Variants in PTPRE observed in about 807,000 individuals in gnomAD.
PTPRE encodes receptor-type tyrosine-protein phosphatase epsilon.
In PTPRE, 51 loss-of-function variants were observed where a neutral mutation model predicts 102.0. The ratio of observed to expected loss-of-function variants is 0.50; its 90% confidence interval spans 0.40 to 0.63. PTPRE has a LOEUF of 0.63. Ranked by LOEUF, PTPRE falls within the 30% of genes least tolerant of loss-of-function variation. The pLI, the probability that PTPRE is intolerant of heterozygous loss-of-function variation, is 0.00. For missense variants in PTPRE, 752 were observed against 915.1 expected (o/e 0.82, Z 2.30); for synonymous variants, 345 against 348.2 (o/e 0.99, Z 0.10).
In PTPRE at chr10:127,931,157, G is replaced by C. The variant is rs115145940; in HGVS notation, c.-31+23848G>C. ...AGGTGAGTAGTAGTATTTCATGTCA[G>C]TTTTAATTTGCATTTCCCTAGTGAC... is the stretch of plus-strand genomic sequence containing the variant. On this transcript the variant is annotated intron_variant, in intron 1 of 20. Coordinates refer to ENST00000254667, the MANE Select transcript of PTPRE (RefSeq NM_006504.6). Among the ~76,000 whole-genome samples the C allele has an allele frequency of 3.3e-3, 503 of 151,954 alleles. 1 individual carries two copies. The highest frequency in any genetic ancestry group is 0.012 in the African/African-American group (476 of 41,292).
At chr10:127,912,063 T>G (rs941178194) in intron 1 of PTPRE, among the ~76,000 whole-genome samples, 1 of 152,198 alleles carries the variant, frequency 6.6e-6, no homozygotes, top group Non-Finnish European at 1.5e-5. Flanking sequence ...TTGGGGATTA[T>G]GAAGGCAGCC....
intron 2 of PTPRE, among the ~76,000 whole-genome samples, chr10:128,005,156 T>C (rs1318899271): frequency 6.6e-6 from 1 of 152,260 alleles, no homozygotes; most frequent in Non-Finnish European, 1.5e-5. Flanking sequence ...ACATAAATCA[T>C]TTGAAAATAC....
chr10:128,030,801 C>G (rs1049609835), intron 2 of PTPRE, among the ~76,000 whole-genome samples: 2 of 152,124 alleles, frequency 1.3e-5, no homozygotes, highest in Admixed American at 1.3e-4. Context: ...GCCCTGTGCT[C>G]TCTGTCCCCT....
intron 3 of PTPRE, among the ~76,000 whole-genome samples, chr10:128,044,689 T>C (rs1253205018): frequency 6.6e-6 from 1 of 152,186 alleles, no homozygotes; most frequent in Non-Finnish European, 1.5e-5. Context: ...CCCTGGGGAC[T>C]GGCCACCCTG....
At chr10:127,942,632 C>T (rs1848329277) in intron 1 of PTPRE, among the ~76,000 whole-genome samples, 1 of 152,152 alleles carries the variant, frequency 6.6e-6, no homozygotes, top group Non-Finnish European at 1.5e-5. Context: ...CAGACAAATA[C>T]TGTATGATTC....
intron 3 of PTPRE, 132 bp from the exon 4 acceptor site, chr10:128,047,258 C>A: frequency 7.5e-7 from 1 of 1,333,804 alleles, no homozygotes; most frequent in Non-Finnish European, 1.0e-6. Context: ...GGGGCCTTTT[C>A]AGGATGATGG....
intron 2 of PTPRE, chr10:127,998,372 G>A (rs773350292): frequency 6.6e-6 from 1 of 152,218 alleles, no homozygotes; most frequent in Non-Finnish European, 1.5e-5. Flanking sequence ...CGCTGTGAAA[G>A]CCTGGTCACT....
intron 11 of PTPRE, among the ~76,000 whole-genome samples, chr10:128,067,197 CACAT>C (rs942953631): frequency 1.3e-4 from 20 of 151,050 alleles, no homozygotes; most frequent in Admixed American, 5.9e-4. Flanking sequence ...CATGTGCACA[CACAT>C]ACACCCACAC....
intron 1 of PTPRE, among the ~76,000 whole-genome samples, chr10:127,980,617 G>C (rs925198774): frequency 6.6e-6 from 1 of 152,120 alleles, no homozygotes; most frequent in Admixed American, 6.5e-5. Context: ...TCACCATTAA[G>C]AATAATTTGA....
In PTPRE at chr10:128,028,136, C is replaced by T. The variant is rs1353910545; in HGVS notation, c.-7-12739C>T. On this transcript the variant is annotated intron_variant, in intron 2 of 20. Transcript: ENST00000254667. This position sits in a 1 kb window ranked among gnomAD's most constrained non-coding sequence, Gnocchi z 4.5. Reference sequence around the variant, plus strand: ...TGGATTTCTGGAGAACACTGTACTTCGCCAGCCTGCGGCAGACACATTATT... The same window carrying T: ...TGGATTTCTGGAGAACACTGTACTTTGCCAGCCTGCGGCAGACACATTATT... Among the ~76,000 whole-genome samples, 4 of 152,210 alleles carry T rather than the reference C, an allele frequency of 2.6e-5. No homozygotes were observed. Among genetic ancestry groups the T allele is most frequent in the Admixed American group, 1.3e-4 (2 of 15,284 alleles).
intron 1 of PTPRE, among the ~76,000 whole-genome samples, chr10:127,916,708 C>G (rs896399912): frequency 5.3e-5 from 8 of 152,012 alleles, no homozygotes; most frequent in South Asian, 2.1e-4. Context: ...GGGGATGGGA[C>G]AAAAAGGTGG....
chr10:127,936,275 G>A (rs902516294), intron 1 of PTPRE: 1 of 152,206 alleles, frequency 6.6e-6, no homozygotes, highest in Non-Finnish European at 1.5e-5. Flanking sequence ...CAGCATGGGA[G>A]AGGCAACCCC....
intron 12 of PTPRE, 173 bp from the exon 13 acceptor site, chr10:128,069,519 A>C (rs1850573985): frequency 1.2e-6 from 1 of 802,012 alleles, no homozygotes; most frequent in Non-Finnish European, 2.0e-6. Context: ...GCCTGAGATC[A>C]CTTTACTGAG....
intron 2 of PTPRE, among the ~76,000 whole-genome samples, chr10:127,984,508 C>T (rs1176111966): frequency 6.6e-6 from 1 of 152,202 alleles, no homozygotes; most frequent in Non-Finnish European, 1.5e-5. Context: ...GCCTGGGTCT[C>T]CTATCTGTGC....
At chr10:128,034,529 A>G (rs1178313626) in intron 2 of PTPRE, among the ~76,000 whole-genome samples, 4 of 151,084 alleles carry the variant, frequency 2.6e-5, no homozygotes, top group South Asian at 4.2e-4. Context: ...CCCCATCTTT[A>G]CGAAAAAAAG....
At chr10:127,961,446 C>T (rs949268503) in intron 1 of PTPRE, among the ~76,000 whole-genome samples, 2 of 152,118 alleles carry the variant, frequency 1.3e-5, no homozygotes, top group Non-Finnish European at 2.9e-5. Flanking sequence ...ACGGTAAAGA[C>T]CCACAGTGGC....
intron 3 of PTPRE, among the ~76,000 whole-genome samples, chr10:128,043,378 G>A (rs1050089086): frequency 5.3e-5 from 8 of 152,290 alleles, no homozygotes; most frequent in East Asian, 3.9e-4. Flanking sequence ...CCTGGCATGC[G>A]CAGTTCACAA....
At chr10:128,039,961 C>G (rs1444371241) in intron 2 of PTPRE, among the ~76,000 whole-genome samples, 1 of 152,194 alleles carries the variant, frequency 6.6e-6, no homozygotes, top group Non-Finnish European at 1.5e-5. Context: ...AATGGAGTGC[C>G]AGGTGAAGAT....
chr10:128,021,452 C>CT (rs1459783409), intron 2 of PTPRE, among the ~76,000 whole-genome samples: 1 of 152,238 alleles, frequency 6.6e-6, no homozygotes, highest in Admixed American at 6.5e-5. Context: ...TTAATGGACT[C>CT]TGAGTACAAC....
Sources: gnomAD v4.1 joint callset for allele counts (sites outside exome capture counted in the v4.1 genomes callset) on GRCh38, gnomAD v4.1.1 for gene constraint, Gnocchi (gnomAD v3.1) non-coding constraint, MANE v1.5 for transcripts, NCBI Gene and HGNC (gene_info 2026-07-23, HGNC 2026-07-21) for gene names.